PRR16: variants seen among roughly 807,000 people sequenced by gnomAD.
PRR16 encodes the protein protein Largen.
PRR16 carries 6 observed loss-of-function variants against 18.2 expected under a neutral mutation model. That is an observed-to-expected ratio of 0.33 (90% CI 0.18 to 0.65). The LOEUF (loss-of-function observed/expected upper bound fraction) is 0.65, where lower values mean the gene tolerates loss of function less well. Among genes scored for constraint, PRR16 ranks in the 30% least tolerant of loss-of-function variants. The pLI, the probability that PRR16 is intolerant of heterozygous loss-of-function variation, is 0.74. For missense variants in PRR16, 412 were observed against 376.6 expected (o/e 1.09, Z -0.78); for synonymous variants, 151 against 147.8 (o/e 1.02, Z -0.16).
At chr5:120,617,914 A>G (rs372546138) in intron 1 of PRR16, among the ~76,000 whole-genome samples, 7 of 152,044 alleles carry the variant, frequency 4.6e-5, no homozygotes, top group African/African-American at 1.7e-4. Flanking sequence ...TTTTATTGCA[A>G]TTTTCCATTT....
At chr5:120,730,201 T>A in the PRR16 span, among the ~76,000 whole-genome samples, 1 of 152,180 alleles carries the variant, frequency 6.6e-6, no homozygotes, top group African/African-American at 2.4e-5. Flanking sequence ...GAGAATGGTA[T>A]GAAGATTTTA....
chr5:120,551,025 A>G (rs375389804), intron 1 of PRR16, among the ~76,000 whole-genome samples: 4 of 151,974 alleles, frequency 2.6e-5, no homozygotes, highest in South Asian at 2.1e-4. Flanking sequence ...ATAACTTCAC[A>G]TAGTTAACTT....
chr5:120,754,514 TA>T, the PRR16 span, among the ~76,000 whole-genome samples: 1 of 19,366 alleles, frequency 5.2e-5, no homozygotes, highest in Non-Finnish European at 9.1e-5. Context: ...ATGTATATTA[TA>T]TATTATATAT....
intron 1 of PRR16, among the ~76,000 whole-genome samples, chr5:120,568,911 C>G (rs1050735106): frequency 1.3e-5 from 2 of 152,040 alleles, no homozygotes; most frequent in East Asian, 1.9e-4. Context: ...TGGTTCCTGA[C>G]AAACAAACAC....
chr5:120,517,437 C>G (rs138719753), intron 1 of PRR16, among the ~76,000 whole-genome samples: 2 of 152,076 alleles, frequency 1.3e-5, no homozygotes, highest in African/African-American at 4.8e-5. Flanking sequence ...GCTTGTATTC[C>G]TGGAGACATA....
At chr5:120,601,590 T>C (rs958119798) in intron 1 of PRR16, among the ~76,000 whole-genome samples, 2 of 152,120 alleles carry the variant, frequency 1.3e-5, no homozygotes, top group Admixed American at 6.6e-5. Flanking sequence ...TTACTAATTT[T>C]TGTTTTTGTT....
intron 1 of PRR16, among the ~76,000 whole-genome samples, chr5:120,646,171 C>CA (rs1405313727): frequency 6.7e-6 from 1 of 150,124 alleles, no homozygotes; most frequent in Non-Finnish European, 1.5e-5. Flanking sequence ...ACAATAATCT[C>CA]TGTGGTTATT....
chr5:120,708,015 A>AT, the PRR16 span, among the ~76,000 whole-genome samples: 5 of 152,252 alleles, frequency 3.3e-5, no homozygotes, highest in Non-Finnish European at 7.4e-5. Flanking sequence ...CAAAAGTATA[A>AT]TTTTCTCTGT....
At chr5:120,738,151 AAAT>A in the PRR16 span, among the ~76,000 whole-genome samples, 58 of 152,246 alleles carry the variant, frequency 3.8e-4, 1 homozygote, top group South Asian at 0.012. Flanking sequence ...TCCATATAGG[AAAT>A]AATATATTTA....
chr5:120,486,828 G>A (rs1289692136), intron 1 of PRR16, among the ~76,000 whole-genome samples: 2 of 152,152 alleles, frequency 1.3e-5, no homozygotes, highest in Non-Finnish European at 2.9e-5. Flanking sequence ...TTTGTGTAAG[G>A]TGTAAGGAAG....
At chr5:120,782,651 T>C in the PRR16 span, among the ~76,000 whole-genome samples, 3 of 152,120 alleles carry the variant, frequency 2.0e-5, no homozygotes. Context: ...AGCATCCCTG[T>C]GTCCAGTGGA....
At chr5:120,792,918 G>A in the PRR16 span, among the ~76,000 whole-genome samples, 2 of 149,896 alleles carry the variant, frequency 1.3e-5, no homozygotes, top group South Asian at 2.1e-4. Context: ...TCGAGAGGCC[G>A]AGGCCAGGGG....
At chr5:120,561,161 A>G (rs1187818590) in intron 1 of PRR16, among the ~76,000 whole-genome samples, 1 of 151,146 alleles carries the variant, frequency 6.6e-6, no homozygotes, top group East Asian at 1.9e-4. Flanking sequence ...ACTAATTTTG[A>G]GTTGAGTTTG....
chr5:120,483,931 T>C (rs1171867923), intron 1 of PRR16, among the ~76,000 whole-genome samples: 1 of 152,000 alleles, frequency 6.6e-6, no homozygotes, highest in Non-Finnish European at 1.5e-5. Context: ...CAACTTGGCC[T>C]TAATTGGCAC....
chr5:120,736,537 C>CTT, the PRR16 span, among the ~76,000 whole-genome samples: 7,832 of 53,838 alleles, frequency 0.15, 1,234 homozygotes, highest in Non-Finnish European at 0.2. Context: ...AGTGTAAAGG[C>CTT]TTTTTTTTTT....
intron 1 of PRR16, among the ~76,000 whole-genome samples, chr5:120,628,582 G>T (rs928274218): frequency 1.3e-5 from 2 of 151,990 alleles, no homozygotes; most frequent in Non-Finnish European, 1.5e-5. Flanking sequence ...ATTTCCCCAG[G>T]ATAAAGCAGA....
chr5:120,578,208 A>T (rs1432490609), intron 1 of PRR16, among the ~76,000 whole-genome samples: 1 of 152,130 alleles, frequency 6.6e-6, no homozygotes, highest in Non-Finnish European at 1.5e-5. Flanking sequence ...GTCCTACTAC[A>T]AATACTCTTG....
intron 1 of PRR16, among the ~76,000 whole-genome samples, chr5:120,529,887 A>G (rs900431944): frequency 2.6e-5 from 4 of 152,104 alleles, no homozygotes; most frequent in African/African-American, 9.7e-5. Context: ...ACCAGAAAAT[A>G]GTAAACACAA....
intron 1 of PRR16, among the ~76,000 whole-genome samples, chr5:120,604,394 T>A (rs1310837102): frequency 6.6e-6 from 1 of 152,158 alleles, no homozygotes; most frequent in African/African-American, 2.4e-5. Context: ...TGTTTTCCAT[T>A]TGCTTGATAG....
Sources: allele counts gnomAD v4.1 joint callset (sites outside exome capture counted in the v4.1 genomes callset), GRCh38; gene constraint gnomAD v4.1.1; transcripts MANE v1.5; gene names NCBI Gene and HGNC (gene_info 2026-07-23, HGNC 2026-07-21).